Variants in SAMD4A observed in about 807,000 individuals in gnomAD.
SAMD4A encodes the protein sterile alpha motif domain containing 4A, also known as protein Smaug homolog 1.
In SAMD4A, 33 loss-of-function variants were observed where a neutral mutation model predicts 81.3. The observed-to-expected ratio is 0.41, with a 90% CI of 0.31 to 0.54. The LOEUF is 0.54. Among genes scored for constraint, SAMD4A ranks in the 20% least tolerant of loss-of-function variants. The probability of loss-of-function intolerance (pLI) is 0.37; values close to 1 mark genes in which losing one functional copy is unlikely to be tolerated. For synonymous variants in SAMD4A, 389 were observed against 382.1 expected (o/e 1.02, Z -0.21); for missense variants, 854 against 951.1 (o/e 0.90, Z 1.34).
At chr14:54,728,132 C>T (rs2037472291) in intron 3 of SAMD4A, among the ~76,000 whole-genome samples, 1 of 152,152 alleles carries the variant, frequency 6.6e-6, no homozygotes, top group Non-Finnish European at 1.5e-5. Context: ...TTTTATTGCA[C>T]AACTGATTTA....
chr14:54,691,156 C>T (rs1193757162), intron 2 of SAMD4A, among the ~76,000 whole-genome samples: 1 of 152,164 alleles, frequency 6.6e-6, no homozygotes, highest in Non-Finnish European at 1.5e-5. Context: ...CTTTCTGCTC[C>T]CCCTTACCTT....
chr14:54,681,976 A>G, intron 2 of SAMD4A: 1 of 985,368 alleles, frequency 1.0e-6, no homozygotes, highest in South Asian at 4.7e-5. Flanking sequence ...CAAAATAATT[A>G]TGCTGTCATA....
At chr14:54,608,888 C>T (rs562854513) in intron 2 of SAMD4A, among the ~76,000 whole-genome samples, 9 of 152,266 alleles carry the variant, frequency 5.9e-5, no homozygotes, top group African/African-American at 2.2e-4. Flanking sequence ...CAGTTAGCAA[C>T]GGAAGACAGC....
rs149470426 is a variant in SAMD4A at position 54,791,761 on chromosome 14, A to G, written c.*2817A>G. On this transcript the variant is annotated 3_prime_UTR_variant, in exon 13 of 13. Transcript: ENST00000554335. ...GTATATAGCTCAATTTAAAAATCCT[A>G]AAGCAAAAGAATTTTATTTATAAAA... 80 of 152,278 alleles carry G rather than the reference A, an allele frequency of 5.3e-4. No individual in the cohort carries two copies. The highest frequency in any genetic ancestry group is 1.7e-3 in the African/African-American group (69 of 41,546). 9.4% of individuals were successfully genotyped at this position (152,278 alleles called of 1,614,324 possible).
chr14:54,672,296 A>T (rs2035901972), intron 2 of SAMD4A, among the ~76,000 whole-genome samples: 1 of 151,940 alleles, frequency 6.6e-6, no homozygotes, highest in Non-Finnish European at 1.5e-5. Flanking sequence ...ACTTAAATGC[A>T]GTCATCTTTA....
At chr14:54,743,061 A>G (rs1192440501) in intron 4 of SAMD4A, among the ~76,000 whole-genome samples, 2 of 152,210 alleles carry the variant, frequency 1.3e-5, no homozygotes, top group African/African-American at 2.4e-5. Context: ...TGGAGAGGTG[A>G]GATCCTCTTT....
At chr14:54,781,935 T>C (rs1403108975) in intron 11 of SAMD4A, among the ~76,000 whole-genome samples, 1 of 152,214 alleles carries the variant, frequency 6.6e-6, no homozygotes, top group Non-Finnish European at 1.5e-5. Flanking sequence ...TAGGAAACTC[T>C]GCAGTGTGAA....
chr14:54,668,706 A>G (rs1268912502), intron 2 of SAMD4A: 1 of 152,270 alleles, frequency 6.6e-6, no homozygotes, highest in Non-Finnish European at 1.5e-5. Context: ...TGTGGCACTT[A>G]CTGTTTTAAT....
chr14:54,642,859 T>G (rs11848866), intron 2 of SAMD4A, among the ~76,000 whole-genome samples: 9,549 of 152,252 alleles, frequency 0.063, 470 homozygotes, highest in African/African-American at 0.14. Context: ...TCATAAACAC[T>G]GAGAGCTGCG....
At chr14:54,627,514 T>C (rs139798900) in intron 2 of SAMD4A, among the ~76,000 whole-genome samples, 1 of 152,330 alleles carries the variant, frequency 6.6e-6, no homozygotes, top group Non-Finnish European at 1.5e-5. Context: ...GATTTGCCTT[T>C]CAGATAGATT....
At chr14:54,707,609 G>A (rs1332635418) in intron 3 of SAMD4A, among the ~76,000 whole-genome samples, 1 of 152,132 alleles carries the variant, frequency 6.6e-6, no homozygotes, top group African/African-American at 2.4e-5. Flanking sequence ...GATAGGTGAT[G>A]TGGAAATAAG....
At chr14:54,609,269 T>A (rs1392526350) in intron 2 of SAMD4A, among the ~76,000 whole-genome samples, 2 of 152,212 alleles carry the variant, frequency 1.3e-5, no homozygotes, top group Non-Finnish European at 2.9e-5. Flanking sequence ...CAGCCACTGC[T>A]GACTTCAAAG....
At chr14:54,788,890 CCAT>C in intron 12 of SAMD4A, 23 bp from the exon 13 acceptor site, 4 of 1,614,172 alleles carry the variant, frequency 2.5e-6, no homozygotes, top group Non-Finnish European at 3.4e-6. Context: ...TCACCTGTGC[CCAT>C]CGTTTGCTGC....
intron 2 of SAMD4A, among the ~76,000 whole-genome samples, chr14:54,669,540 C>A (rs910380587): frequency 6.7e-6 from 1 of 148,866 alleles, no homozygotes; most frequent in African/African-American, 2.5e-5. Flanking sequence ...CTCACTGCAG[C>A]CCTGAACTCC....
At chr14:54,589,951 C>T (rs938812008) in intron 2 of SAMD4A, among the ~76,000 whole-genome samples, 2 of 152,166 alleles carry the variant, frequency 1.3e-5, no homozygotes, top group African/African-American at 2.4e-5. Flanking sequence ...CTGTTTATTA[C>T]CACATGGCAT....
intron 2 of SAMD4A, among the ~76,000 whole-genome samples, chr14:54,608,971 C>T (rs1450970004): frequency 6.6e-6 from 1 of 152,166 alleles, no homozygotes; most frequent in Non-Finnish European, 1.5e-5. Flanking sequence ...TTTCACATGT[C>T]AGAATGTTTT....
intron 2 of SAMD4A, among the ~76,000 whole-genome samples, chr14:54,670,033 AACGC>A (rs2035845603): frequency 6.6e-6 from 1 of 152,174 alleles, no homozygotes; most frequent in African/African-American, 2.4e-5. Context: ...CCACGTTGTG[AACGC>A]ACTGAGTGTT....
chr14:54,673,016 C>T (rs1488354401), intron 2 of SAMD4A, among the ~76,000 whole-genome samples: 3 of 152,194 alleles, frequency 2.0e-5, no homozygotes, highest in African/African-American at 7.2e-5. Context: ...GACCCTTTCT[C>T]GAAGGTTACC....
At chr14:54,581,206 C>G (rs2033455356) in intron 2 of SAMD4A, among the ~76,000 whole-genome samples, 1 of 152,230 alleles carries the variant, frequency 6.6e-6, no homozygotes, top group Non-Finnish European at 1.5e-5. Flanking sequence ...TGTAAAAGTA[C>G]TTTGTAAACT....
Sources: allele counts gnomAD v4.1 joint callset (sites outside exome capture counted in the v4.1 genomes callset), GRCh38; gene constraint gnomAD v4.1.1; transcripts MANE v1.5; gene names NCBI Gene and HGNC (gene_info 2026-07-23, HGNC 2026-07-21).